NOP53: variants seen among roughly 807,000 people sequenced by gnomAD.
The protein encoded by NOP53 is NOP53 ribosome biogenesis factor, also known as ribosome biogenesis protein NOP53.
In NOP53, 40 loss-of-function variants were observed where a neutral mutation model predicts 61.0. That is an observed-to-expected ratio of 0.66 (90% CI 0.51 to 0.85). NOP53 has a LOEUF of 0.85. Ranked by LOEUF, NOP53 falls within the 40% of genes least tolerant of loss-of-function variation. The pLI, the probability that NOP53 is intolerant of heterozygous loss-of-function variation, is 0.00. For missense variants in NOP53, 689 were observed against 652.9 expected, an observed-to-expected ratio of 1.06 and a Z score of -0.60; for synonymous variants, 308 against 289.5, an observed-to-expected ratio of 1.06 and a Z score of -0.65.
chr19:47,755,956 G>A, intron 10 of NOP53, 134 bp downstream of exon 10: 1 of 667,318 alleles, frequency 1.5e-6, no homozygotes, highest in South Asian at 1.8e-5. Flanking sequence ...CCCAGGGGCT[G>A]AGGGCACGGG....
chr19:47,754,481 T>G lies in NOP53; in HGVS notation c.766-46T>G. 7.3e-7 allele frequency: 1 copy of G among 1,371,160 alleles called. No homozygotes were observed. Among genetic ancestry groups the G allele is most frequent in the Non-Finnish European group, 1.0e-6 (1 of 986,500 alleles). The allele number at this position is 1,371,160 out of a possible 1,614,324, so 84.9% of individuals were successfully genotyped here. On this transcript the variant is annotated intron_variant, in intron 6 of 12. Coordinates refer to ENST00000246802, the MANE Select transcript of NOP53 (RefSeq NM_015710.5). The surrounding 1 kb of genome is among the most constrained non-coding windows in gnomAD (Gnocchi z 4.2). The stretch of plus-strand genomic sequence containing the variant: ...GGGAGGTAAGAGGGTCTAGTCTCAG[T>G]GTCCCAGGAGGGGTTCAGGGACCCA...
At chr19:47,756,240 GT>G in intron 10 of NOP53, 1 of 551,068 alleles carries the variant, frequency 1.8e-6, no homozygotes, top group Non-Finnish European at 3.3e-6. Flanking sequence ...TGAGCGGACT[GT>G]GCCTTCTCCC....
rs779295677 is a variant in NOP53 at position 47,750,193 on chromosome 19, G to A, written c.305G>A (p.Arg102Lys). Residue 102 changes from arginine (R) to lysine (K), a missense_variant, in exon 3 of 13, where the codon AGA becomes AAA. Transcript: ENST00000246802. ...GSKEKGLTKK[R>K]TKVQKKSLLL... ...CCATTCTTAGGGCTGACAAAGAAGA[G>A]AACCAAAGTCCAGAAGAAGTCACTG... The A allele has an allele frequency of 8.1e-6, 13 of 1,610,486 alleles. No homozygotes were observed. Among genetic ancestry groups the A allele is most frequent in the African/African-American group, 1.3e-5 (1 of 74,946 alleles).
At position 47,755,366 on chromosome 19, in the gene NOP53, T is replaced by A; in HGVS notation, c.1072T>A (p.Leu358Met). 6.6e-7 allele frequency: 1 copy of A among 1,517,550 alleles called. No individual in the cohort carries two copies. Among genetic ancestry groups the A allele is most frequent in the Non-Finnish European group, 8.8e-7 (1 of 1,139,100 alleles). 94.0% of individuals were successfully genotyped at this position (1,517,550 alleles called of 1,614,324 possible). The change falls in exon 9 of 13, where the codon TTG (leucine) becomes ATG (methionine). Residue 358 changes from leucine (L) to methionine (M), a missense_variant. Transcript: ENST00000246802. ...TCCACAGCGGGTACAGCAGGCCGCG[T>A]TGCGGGCCGCCCGGCTCCGGCACCA... Reference protein sequence around the residue: ...VHRLRVQQAALRAARLRHQEL... With the variant: ...VHRLRVQQAAMRAARLRHQEL...
In NOP53 at chr19:47,755,753, C is replaced by A; in HGVS notation, c.1230-3C>A. 6.2e-7 allele frequency: 1 copy of A among 1,608,216 alleles called. No individual in the cohort carries two copies. The highest frequency in any genetic ancestry group is 8.5e-7 in the Non-Finnish European group (1 of 1,177,874). The stretch of plus-strand genomic sequence containing the variant: ...ATTTCTGAACACCCGCCCTGTTCTG[C>A]AGGTACCAGGCACCTGACATCGACG... On this transcript the variant is annotated splice_polypyrimidine_tract_variant and splice_region_variant and intron_variant, in intron 9 of 12. Transcript: ENST00000246802.
At chr19:47,756,949 G>C in intron 12 of NOP53, 50 bp from the exon 13 acceptor site, 3 of 1,612,678 alleles carry the variant, frequency 1.9e-6, no homozygotes, top group Non-Finnish European at 2.5e-6. Flanking sequence ...GTCGGCAGGG[G>C]GTATGGGGCA....
intron 9 of NOP53, 111 bp downstream of exon 9, chr19:47,755,634 C>T (rs1020976473): frequency 7.5e-7 from 1 of 1,330,106 alleles, no homozygotes; most frequent in Admixed American, 2.2e-5. Context: ...ATCGGGAGAC[C>T]ACCTCTTCCC....
chr19:47,745,594 G>C lies in NOP53; in HGVS notation c.35G>C (p.Arg12Pro). ...AAGGSGVGGK[R>P]SSKSDADSGF... Reference sequence around the variant, plus strand: ...GGAGGCAGTGGCGTTGGTGGGAAGCGCAGCTCGAAAAGCGATGCCGATTCT... The same window carrying C: ...GGAGGCAGTGGCGTTGGTGGGAAGCCCAGCTCGAAAAGCGATGCCGATTCT... Residue 12 changes from arginine (R) to proline (P), a missense_variant, in exon 1 of 13, where the codon CGC becomes CCC. Arg to Pro is a moderately radical substitution (Grantham distance 103). Coordinates refer to ENST00000246802, the MANE Select transcript of NOP53 (RefSeq NM_015710.5). The C allele has an allele frequency of 6.2e-7, 1 of 1,614,014 alleles. No individual in the cohort carries two copies. The highest frequency in any genetic ancestry group is 8.5e-7 in the Non-Finnish European group (1 of 1,179,990).
intron 10 of NOP53, chr19:47,756,205 G>T: frequency 1.9e-6 from 1 of 521,040 alleles, no homozygotes; most frequent in Non-Finnish European, 3.5e-6. Flanking sequence ...CGACCCGGCC[G>T]TGGGGCTCCA....
intron 3 of NOP53, 68 bp downstream of exon 3, chr19:47,750,354 TGGGGGC>T: frequency 1.0e-6 from 1 of 968,538 alleles, no homozygotes; most frequent in Non-Finnish European, 1.7e-6. Flanking sequence ...TTTCCGGGGC[TGGGGGC>T]TGGTAGGTGA....
In NOP53 at chr19:47,756,566, C is replaced by T. The variant is rs1274209575; in HGVS notation, c.1335C>T (p.Phe445=). The part of the protein sequence containing the change: ...GNILRDRFKS[F]QRRNMIEPRE... ...TCCTTCGAGACCGGTTCAAGAGCTTCCAGAGGAGGAATATGATCGAGCCTC... is the reference window on the plus strand; with the variant it reads ...TCCTTCGAGACCGGTTCAAGAGCTTTCAGAGGAGGAATATGATCGAGCCTC... The change falls in exon 11 of 13, where the codon TTC becomes TTT. Residue 445 remains phenylalanine (F), a synonymous_variant. Transcript: ENST00000246802. The T allele has an allele frequency of 3.1e-6, 5 of 1,614,092 alleles. No individual in the cohort carries two copies. Among genetic ancestry groups the T allele is most frequent in the Non-Finnish European group, 4.2e-6 (5 of 1,180,008 alleles).
chr19:47,750,109 G>C (rs1357109546), intron 2 of NOP53, 69 bp from the exon 3 acceptor site: 4 of 965,222 alleles, frequency 4.1e-6, no homozygotes, highest in Non-Finnish European at 5.0e-6. Flanking sequence ...CCATGGAGGT[G>C]AATAGGGTGG....
At position 47,752,553 on chromosome 19, in the gene NOP53, C is replaced by T. The variant is rs113642899; in HGVS notation, c.711C>T (p.Ala237=). Residue 237 remains alanine (A), a synonymous_variant, in exon 6 of 13, where the codon GCC becomes GCT. Coordinates refer to ENST00000246802, the MANE Select transcript of NOP53 (RefSeq NM_015710.5). ...ACACCAAGCCGTCCCAGGCACCCGC[C>T]GTGGAGGTGGCGCCTGCCGGAGCTT... ...RLHTKPSQAP[A]VEVAPAGASY... is the part of the protein sequence containing the mutation. The T allele has an allele frequency of 4.8e-5, 78 of 1,610,744 alleles. No homozygotes were observed. The highest frequency in any genetic ancestry group is 2.3e-4 in the African/African-American group (17 of 74,918).
At position 47,755,379 on chromosome 19, in the gene NOP53, G is replaced by A. The variant is rs200208997; in HGVS notation, c.1085G>A (p.Arg362Gln). 2,134 of 1,523,714 alleles carry A rather than the reference G, an allele frequency of 1.4e-3. 23 individuals carry two copies. The South Asian group carries it at 0.017, about 12-fold the overall frequency. 94.4% of individuals were successfully genotyped at this position (1,523,714 alleles called of 1,614,324 possible). ...CAGCAGGCCGCGTTGCGGGCCGCCCGGCTCCGGCACCAGGAGCTGTTCCGG... is the reference window on the plus strand; with the variant it reads ...CAGCAGGCCGCGTTGCGGGCCGCCCAGCTCCGGCACCAGGAGCTGTTCCGG... ...RVQQAALRAARLRHQELFRLR... is the reference protein window; with the variant it reads ...RVQQAALRAAQLRHQELFRLR... The change falls in exon 9 of 13, where the codon CGG becomes CAG. Residue 362 changes from arginine (R) to glutamine (Q), a missense_variant. Transcript: ENST00000246802.
At chr19:47,746,076 C>G in intron 1 of NOP53, 1 of 449,084 alleles carries the variant, frequency 2.2e-6, no homozygotes, top group South Asian at 3.6e-5. Flanking sequence ...ATGCATCCAC[C>G]TTAGCTTGCT....
chr19:47,751,927 C>T, intron 5 of NOP53, among the ~76,000 whole-genome samples: 1 of 144,444 alleles, frequency 6.9e-6, no homozygotes, highest in Non-Finnish European at 1.5e-5. Context: ...CGTGGTGAAA[C>T]CCTGTCTCTA....
intron 2 of NOP53, among the ~76,000 whole-genome samples, chr19:47,749,238 G>C (rs1967097290): frequency 6.6e-6 from 1 of 152,168 alleles, no homozygotes; most frequent in African/African-American, 2.4e-5. Context: ...TGAGTGTAAA[G>C]GGTAAGTCAG....
At chr19:47,752,706 A>G in intron 6 of NOP53, 99 bp downstream of exon 6, 1 of 786,088 alleles carries the variant, frequency 1.3e-6, no homozygotes. Context: ...AATGACCCAG[A>G]CAGCCCTGGG....
At chr19:47,748,655 A>C (rs992946794) in intron 2 of NOP53, among the ~76,000 whole-genome samples, 1 of 152,100 alleles carries the variant, frequency 6.6e-6, no homozygotes, top group African/African-American at 2.4e-5. Context: ...GCGCTTTGGG[A>C]GGCCGAGGTG....
Sources: gnomAD v4.1 joint callset for allele counts (sites outside exome capture counted in the v4.1 genomes callset) on GRCh38, gnomAD v4.1.1 for gene constraint, Gnocchi (gnomAD v3.1) non-coding constraint, MANE v1.5 for transcripts, NCBI Gene and HGNC (gene_info 2026-07-23, HGNC 2026-07-21) for gene names.